TTLL7: variants seen among roughly 807,000 people sequenced by gnomAD.
The protein encoded by TTLL7 is tubulin tyrosine ligase like 7.
A neutral mutation model predicts 120.2 loss-of-function variants in TTLL7; 53 were observed. The ratio of observed to expected loss-of-function variants is 0.44; its 90% CI spans 0.35 to 0.55. TTLL7 has a LOEUF of 0.55. Ranked by LOEUF, TTLL7 falls within the 20% of genes least tolerant of loss-of-function variation. TTLL7 has a pLI of 0.00. For synonymous variants in TTLL7, 353 were observed against 351.7 expected (o/e 1.00, Z -0.04); for missense variants, 803 against 1,054.7 (o/e 0.76, Z 3.31).
At chr1:83,957,862 A>T (rs1213328864) in intron 1 of TTLL7, among the ~76,000 whole-genome samples, 1 of 152,202 alleles carries the variant, frequency 6.6e-6, no homozygotes, top group Non-Finnish European at 1.5e-5. Flanking sequence ...AATTGTCTTG[A>T]GCCTTTTTTA....
intron 18 of TTLL7, 45 bp downstream of exon 18, chr1:83,904,034 A>G (rs756255058): frequency 2.7e-6 from 4 of 1,461,728 alleles, no homozygotes; most frequent in Non-Finnish European, 2.9e-6. Flanking sequence ...TCCTAGCTTA[A>G]TACATAATCC....
chr1:83,937,543 C>T (rs550467390), intron 8 of TTLL7, among the ~76,000 whole-genome samples: 16 of 152,188 alleles, frequency 1.1e-4, no homozygotes, highest in African/African-American at 3.6e-4. Context: ...GACTAGGAGC[C>T]ACAGGCTATA....
chr1:83,988,059 C>G (rs1429499028), intron 1 of TTLL7, among the ~76,000 whole-genome samples: 1 of 152,098 alleles, frequency 6.6e-6, no homozygotes. Context: ...TAGTAATCCC[C>G]AGAGTCTATT....
At chr1:83,961,225 G>A (rs1649991194) in intron 1 of TTLL7, among the ~76,000 whole-genome samples, 1 of 151,920 alleles carries the variant, frequency 6.6e-6, no homozygotes, top group Admixed American at 6.6e-5. Flanking sequence ...TCTCTGGAAG[G>A]TTTTTTTGAA....
At chr1:83,988,441 G>C (rs538112970) in intron 1 of TTLL7, among the ~76,000 whole-genome samples, 1 of 152,322 alleles carries the variant, frequency 6.6e-6, no homozygotes, top group Admixed American at 6.5e-5. Flanking sequence ...TCTGTTTTAA[G>C]TTATTTGAGA....
At chr1:83,992,482 T>C (rs1379951913) in intron 1 of TTLL7, among the ~76,000 whole-genome samples, 1 of 152,124 alleles carries the variant, frequency 6.6e-6, no homozygotes, top group Non-Finnish European at 1.5e-5. Context: ...ATAAAGGTTG[T>C]CCTCTTATTT....
intron 18 of TTLL7, chr1:83,901,979 A>C (rs192721841): frequency 6.6e-6 from 1 of 151,666 alleles, no homozygotes; most frequent in African/African-American, 2.4e-5. Flanking sequence ...CCACTCTTCC[A>C]CTCTCCAAGA....
At position 83,940,214 on chromosome 1, in the gene TTLL7, T is replaced by C. The variant is rs140535332; in HGVS notation, c.724-2198A>G. 5.1e-3 allele frequency among the ~76,000 whole-genome samples: 778 copies of C among 152,270 alleles called. 5 individuals carry two copies. Among genetic ancestry groups the C allele is most frequent in the South Asian group, 0.018 (89 of 4,826 alleles). On this transcript the variant is annotated intron_variant, in intron 7 of 20. Transcript: ENST00000260505. ...TGGACTTAAGATAATTATATACACA[T>C]AGGACATTAGAATAAAGCACTTTAT...
At chr1:83,976,031 CTCTGTGTG>C (rs778380050) in intron 1 of TTLL7, among the ~76,000 whole-genome samples, 866 of 64,328 alleles carry the variant, frequency 0.013, 9 homozygotes, top group African/African-American at 0.036. Context: ...TTTTGTCTCT[CTCTGTGTG>C]TGTGTGTGTG....
At chr1:83,961,767 T>TAAAA (rs1197344516) in intron 1 of TTLL7, among the ~76,000 whole-genome samples, 1 of 152,100 alleles carries the variant, frequency 6.6e-6, no homozygotes, top group African/African-American at 2.4e-5. Context: ...TTTAAGTAGT[T>TAAAA]CTCCAGTAGC....
chr1:83,872,253 A>C (rs956927134), intron 20 of TTLL7, among the ~76,000 whole-genome samples: 2 of 152,244 alleles, frequency 1.3e-5, no homozygotes, highest in Non-Finnish European at 2.9e-5. Context: ...AGAACAGTAA[A>C]ATAACATAAA....
intron 18 of TTLL7, chr1:83,902,121 A>G (rs574557920): frequency 2.0e-5 from 3 of 152,020 alleles, no homozygotes; most frequent in African/African-American, 7.2e-5. Context: ...GCTCTTGATT[A>G]GGAAAACCCT....
At chr1:83,958,347 A>C (rs1157931765) in intron 1 of TTLL7, among the ~76,000 whole-genome samples, 1 of 152,224 alleles carries the variant, frequency 6.6e-6, no homozygotes, top group East Asian at 1.9e-4. Flanking sequence ...ATCGGATGAA[A>C]GACATTTCTA....
At chr1:83,906,517 G>C (rs755905706) in intron 16 of TTLL7, 54 bp from the exon 17 acceptor site, 1 of 1,606,218 alleles carries the variant, frequency 6.2e-7, no homozygotes, top group Non-Finnish European at 8.5e-7. Flanking sequence ...CATTGTGCCA[G>C]TATAATCTGA....
At chr1:83,952,021 T>A in intron 2 of TTLL7, 45 bp from the exon 3 acceptor site, 1 of 1,582,412 alleles carries the variant, frequency 6.3e-7, no homozygotes, top group Non-Finnish European at 8.6e-7. Context: ...AAAACAAAAA[T>A]CTATACCAGA....
intron 1 of TTLL7, among the ~76,000 whole-genome samples, chr1:83,988,345 T>C (rs1652672425): frequency 6.6e-6 from 1 of 152,268 alleles, no homozygotes; most frequent in Non-Finnish European, 1.5e-5. Flanking sequence ...GAACATATTA[T>C]ACAAGTACAT....
chr1:83,930,337 T>C (rs1407681016), intron 9 of TTLL7, among the ~76,000 whole-genome samples: 56 of 152,164 alleles, frequency 3.7e-4, no homozygotes, highest in Admixed American at 6.6e-5. Flanking sequence ...TTTTGATGGA[T>C]GCATGGTACT....
At chr1:83,943,010 C>CT (rs142500104) in intron 6 of TTLL7, among the ~76,000 whole-genome samples, 6,339 of 152,240 alleles carry the variant, frequency 0.042, 154 homozygotes, top group Middle Eastern at 0.099. Flanking sequence ...AATACCAGTA[C>CT]GGTCCTGGAG....
chr1:83,961,127 ATT>A (rs1279085781), intron 1 of TTLL7, among the ~76,000 whole-genome samples: 3 of 152,166 alleles, frequency 2.0e-5, no homozygotes, highest in Non-Finnish European at 4.4e-5. Context: ...CTTAATACTT[ATT>A]TATTGTTCCA....
Sources: gnomAD v4.1 joint callset for allele counts (sites outside exome capture counted in the v4.1 genomes callset) on GRCh38, gnomAD v4.1.1 for gene constraint, MANE v1.5 for transcripts, NCBI Gene and HGNC (gene_info 2026-07-23, HGNC 2026-07-21) for gene names.